Variants in ITPR1 observed in about 807,000 individuals in gnomAD.
ITPR1 encodes inositol 1,4,5-trisphosphate-gated calcium channel ITPR1.
A neutral mutation model predicts 318.4 loss-of-function variants in ITPR1; 96 were observed. That is an observed-to-expected ratio of 0.30 (90% CI 0.26 to 0.36). ITPR1 has a LOEUF of 0.36. Ranked by LOEUF, ITPR1 falls within the 10% of genes least tolerant of loss-of-function variation. The probability of loss-of-function intolerance (pLI) is 1.00; values close to 1 mark genes in which losing one functional copy is unlikely to be tolerated. For synonymous variants in ITPR1, 1,312 were observed against 1,289.9 expected (o/e 1.02, Z -0.37); for missense variants, 2,440 against 3,460.2 (o/e 0.71, Z 7.40).
At chr3:4,719,575 G>A (rs1270993264) in intron 40 of ITPR1, among the ~76,000 whole-genome samples, 1 of 152,252 alleles carries the variant, frequency 6.6e-6, no homozygotes, top group Non-Finnish European at 1.5e-5. Context: ...ATGTGGTGGG[G>A]AAGAGCCCCA....
At chr3:4,681,333 G>A in intron 25 of ITPR1, 31 bp from the exon 26 acceptor site, 1 of 1,549,474 alleles carries the variant, frequency 6.5e-7, no homozygotes, top group Non-Finnish European at 8.9e-7. Flanking sequence ...AGACCTTCCT[G>A]CATCTGAAGT....
intron 4 of ITPR1, among the ~76,000 whole-genome samples, chr3:4,590,436 C>G (rs1180834437): frequency 1.3e-5 from 2 of 151,460 alleles, no homozygotes; most frequent in Non-Finnish European, 2.9e-5. Flanking sequence ...CTTTTTATAG[C>G]TGAGTTGGCC....
intron 45 of ITPR1, among the ~76,000 whole-genome samples, chr3:4,767,873 C>G (rs1001683994): frequency 1.3e-5 from 2 of 152,124 alleles, no homozygotes; most frequent in Non-Finnish European, 2.9e-5. Context: ...AAGATAGATA[C>G]AATTGAGGTA....
intron 4 of ITPR1, among the ~76,000 whole-genome samples, chr3:4,571,208 C>G (rs543493701): frequency 1.1e-4 from 17 of 152,322 alleles, no homozygotes; most frequent in Non-Finnish European, 2.1e-4. Flanking sequence ...AGTTTCATGT[C>G]AGAGGGCATG....
chr3:4,681,398 A>G lies in ITPR1; in HGVS notation c.3141A>G (p.Ala1047=), dbSNP rs769564207. The G allele has an allele frequency of 2.9e-5, 46 of 1,612,764 alleles. No individual in the cohort carries two copies. Among genetic ancestry groups the G allele is most frequent in the Non-Finnish European group, 3.9e-5 (46 of 1,178,956 alleles). Reference sequence around the variant, plus strand: ...ACTTTGAACACATTGAAGAACAAGCAGAAGGCATCTTTGGAGGAAGGAAAG... The same window carrying G: ...ACTTTGAACACATTGAAGAACAAGCGGAAGGCATCTTTGGAGGAAGGAAAG... ...ALDFEHIEEQ[A]EGIFGGSEEN... Residue 1047 remains alanine (A), a synonymous_variant, in exon 26 of 62, where the codon GCA becomes GCG. Coordinates refer to ENST00000649015, the MANE Select transcript of ITPR1 (RefSeq NM_001378452.1).
At chr3:4,654,049 A>G (rs1229922924) in intron 12 of ITPR1, among the ~76,000 whole-genome samples, 163 bp downstream of exon 12, 1 of 152,208 alleles carries the variant, frequency 6.6e-6, no homozygotes, top group East Asian at 1.9e-4. Flanking sequence ...CTTGAGAGGG[A>G]CCATAGTCCT....
At chr3:4,652,403 T>C (rs2093616687) in intron 11 of ITPR1, among the ~76,000 whole-genome samples, 185 bp downstream of exon 11, 1 of 152,204 alleles carries the variant, frequency 6.6e-6, no homozygotes, top group Admixed American at 6.5e-5. Flanking sequence ...GATTACCACA[T>C]TTTGGTAGGT....
At chr3:4,693,400 G>A (rs1347526416) in intron 32 of ITPR1, 90 bp from the exon 33 acceptor site, 1 of 1,403,398 alleles carries the variant, frequency 7.1e-7, no homozygotes, top group Non-Finnish European at 9.9e-7. Context: ...AATGCTAACA[G>A]AACCTCTCTC....
At chr3:4,805,993 G>A (rs760691085) in intron 54 of ITPR1, 110 bp from the exon 55 acceptor site, 61 of 930,520 alleles carry the variant, frequency 6.6e-5, no homozygotes, top group African/African-American at 3.0e-4. Context: ...AAAAGGAAGC[G>A]TTTGTTTGGG....
chr3:4,631,033 AGT>A (rs2093000432), intron 5 of ITPR1, among the ~76,000 whole-genome samples: 1 of 152,222 alleles, frequency 6.6e-6, no homozygotes, highest in African/African-American at 2.4e-5. Context: ...ACTTCATGAA[AGT>A]GCATTGTTAC....
intron 4 of ITPR1, among the ~76,000 whole-genome samples, chr3:4,566,720 T>C (rs1354718206): frequency 6.6e-6 from 1 of 152,096 alleles, no homozygotes; most frequent in Admixed American, 6.5e-5. Context: ...TTCCTCCACC[T>C]TCCCTTCATT....
At chr3:4,644,503 G>A (rs563053641) in intron 8 of ITPR1, among the ~76,000 whole-genome samples, 10 of 152,330 alleles carry the variant, frequency 6.6e-5, no homozygotes, top group African/African-American at 1.7e-4. Context: ...CATTGGTGAA[G>A]CCAGAGATGA....
intron 49 of ITPR1, among the ~76,000 whole-genome samples, chr3:4,781,481 G>C (rs1370097051): frequency 6.6e-6 from 1 of 152,110 alleles, no homozygotes; most frequent in Non-Finnish European, 1.5e-5. Flanking sequence ...AAGAAACTGA[G>C]ACAGAAACTT....
intron 37 of ITPR1, among the ~76,000 whole-genome samples, chr3:4,707,206 G>A (rs144954720): frequency 1.3e-5 from 2 of 152,332 alleles, no homozygotes; most frequent in African/African-American, 4.8e-5. Context: ...CCTGTATTTC[G>A]TGCAGTAAAT....
intron 4 of ITPR1, among the ~76,000 whole-genome samples, chr3:4,609,075 T>TATATATATATAC (rs1325916503): frequency 1.1e-5 from 1 of 87,926 alleles, no homozygotes; most frequent in Non-Finnish European, 2.2e-5. Context: ...TATATATATA[T>TATATATATATAC]ATATATATAT....
At chr3:4,585,849 C>G (rs2089836912) in intron 4 of ITPR1, among the ~76,000 whole-genome samples, 1 of 152,090 alleles carries the variant, frequency 6.6e-6, no homozygotes. Flanking sequence ...ATTCACGTGC[C>G]ATGGTGGCTT....
chr3:4,782,423 A>G (rs1326348373), intron 49 of ITPR1, 196 bp from the exon 50 acceptor site: 8 of 444,156 alleles, frequency 1.8e-5, no homozygotes, highest in African/African-American at 1.2e-4. Flanking sequence ...ATTTCTCACG[A>G]CAGGAGAGGT....
chr3:4,625,058 C>G (rs1043502827), intron 4 of ITPR1, among the ~76,000 whole-genome samples: 1 of 152,116 alleles, frequency 6.6e-6, no homozygotes, highest in Non-Finnish European at 1.5e-5. Context: ...GAGTATCTTT[C>G]ATATGCAGTA....
intron 4 of ITPR1, among the ~76,000 whole-genome samples, chr3:4,553,330 A>G (rs73109212): frequency 0.08 from 12,146 of 152,152 alleles, 1,563 homozygotes; most frequent in African/African-American, 0.27. Context: ...TTTTTTTGAC[A>G]GATAGACAGG....
Sources: gnomAD v4.1 joint callset for allele counts (sites outside exome capture counted in the v4.1 genomes callset) on GRCh38, gnomAD v4.1.1 for gene constraint, MANE v1.5 for transcripts, NCBI Gene and HGNC (gene_info 2026-07-23, HGNC 2026-07-21) for gene names.